The following SLC4A4 variants were observed in gnomAD, a reference collection of about 807,000 sequenced individuals.
The protein encoded by SLC4A4 is electrogenic sodium bicarbonate cotransporter 1.
SLC4A4 carries 27 observed loss-of-function variants against 111.5 expected under a neutral mutation model. The ratio of observed to expected loss-of-function variants is 0.24; its 90% CI spans 0.18 to 0.33. The LOEUF is 0.33. Ranked by LOEUF, SLC4A4 falls within the 10% of genes least tolerant of loss-of-function variation. SLC4A4 has a pLI of 1.00. For synonymous variants in SLC4A4, 443 were observed against 463.4 expected (o/e 0.96, Z 0.57); for missense variants, 909 against 1,315.5 (o/e 0.69, Z 4.78).
At chr4:71,437,404 C>G (rs765948305) in intron 7 of SLC4A4, 1 of 298,206 alleles carries the variant, frequency 3.4e-6, no homozygotes, top group African/African-American at 2.2e-5. Context: ...GGGATTGCAT[C>G]GGGTAATACT....
intron 2 of SLC4A4, among the ~76,000 whole-genome samples, chr4:71,155,974 C>T (rs1744450990): frequency 6.6e-6 from 1 of 152,178 alleles, no homozygotes. Context: ...CTTTATACAG[C>T]AGACCGTACA....
chr4:71,532,005 A>G (rs1733974677), intron 16 of SLC4A4, 57 bp from the exon 17 acceptor site: 2 of 1,001,240 alleles, frequency 2.0e-6, no homozygotes, highest in African/African-American at 1.6e-5. Context: ...GTTCAAACAC[A>G]GACAAATATA....
chr4:71,123,981 C>T (rs1560732046), intron 2 of SLC4A4, among the ~76,000 whole-genome samples: 1 of 152,116 alleles, frequency 6.6e-6, no homozygotes. Context: ...GCTGTTGGCT[C>T]ACTAGGATTT....
At chr4:71,479,929 C>T (rs1353487267) in intron 14 of SLC4A4, among the ~76,000 whole-genome samples, 6 of 151,512 alleles carry the variant, frequency 4.0e-5, no homozygotes, top group Non-Finnish European at 7.4e-5. Context: ...AAAGTTTCCC[C>T]ATGGTAATGT....
At chr4:71,067,209 A>G (rs1741541400) in intron 1 of SLC4A4, among the ~76,000 whole-genome samples, 1 of 152,178 alleles carries the variant, frequency 6.6e-6, no homozygotes. Context: ...TTTGACATAT[A>G]GGTCACTGAA....
intron 12 of SLC4A4, among the ~76,000 whole-genome samples, chr4:71,454,173 C>G (rs1726009391): frequency 6.6e-6 from 1 of 152,158 alleles, no homozygotes; most frequent in African/African-American, 2.4e-5. Flanking sequence ...AGTTATATCT[C>G]CTGCAGGTGG....
chr4:71,424,369 A>G (rs1037570265), intron 7 of SLC4A4, among the ~76,000 whole-genome samples: 10 of 151,814 alleles, frequency 6.6e-5, no homozygotes, highest in Non-Finnish European at 1.3e-4. Flanking sequence ...GTGGAGAAAT[A>G]GGAACACTTT....
At chr4:71,480,166 C>A (rs1487446684) in intron 14 of SLC4A4, among the ~76,000 whole-genome samples, 1 of 151,372 alleles carries the variant, frequency 6.6e-6, no homozygotes, top group African/African-American at 2.4e-5. Flanking sequence ...GGACTACAGG[C>A]ACATGCTACC....
chr4:71,260,690 A>G (rs1490221349), intron 3 of SLC4A4, among the ~76,000 whole-genome samples: 1 of 152,220 alleles, frequency 6.6e-6, no homozygotes, highest in Non-Finnish European at 1.5e-5. Flanking sequence ...GAAAGGGAGC[A>G]TATCAGAGTG....
intron 2 of SLC4A4, among the ~76,000 whole-genome samples, chr4:71,178,458 G>A (rs2148986161): frequency 6.6e-6 from 1 of 152,048 alleles, no homozygotes. Flanking sequence ...TAGACCGCTA[G>A]CAAGACTAAT....
chr4:71,267,333 T>C (rs1459661444), intron 3 of SLC4A4, among the ~76,000 whole-genome samples: 1 of 151,872 alleles, frequency 6.6e-6, no homozygotes, highest in East Asian at 1.9e-4. Context: ...AGTTGAGATC[T>C]GAAGGATGAG....
intron 16 of SLC4A4, among the ~76,000 whole-genome samples, chr4:71,516,027 G>A (rs1161208380): frequency 7.6e-6 from 1 of 131,288 alleles, no homozygotes; most frequent in African/African-American, 2.8e-5. Context: ...CTGTTGTTTT[G>A]TATATTCTTT....
chr4:71,404,468 T>G (rs1297005469), intron 7 of SLC4A4, among the ~76,000 whole-genome samples: 7 of 152,230 alleles, frequency 4.6e-5, no homozygotes. Context: ...CTATTGCATA[T>G]CTTAATAAAC....
At chr4:71,271,210 G>A in intron 3 of SLC4A4, among the ~76,000 whole-genome samples, 1 of 152,132 alleles carries the variant, frequency 6.6e-6, no homozygotes, top group Non-Finnish European at 1.5e-5. Flanking sequence ...AAGCATACTT[G>A]TATACATAAA....
intron 1 of SLC4A4, among the ~76,000 whole-genome samples, chr4:71,088,008 T>C (rs553352532): frequency 6.6e-6 from 1 of 152,128 alleles, no homozygotes; most frequent in South Asian, 2.1e-4. Context: ...AGTGGGGTGT[T>C]AAAATCTCCC....
intron 2 of SLC4A4, among the ~76,000 whole-genome samples, chr4:71,245,220 C>G (rs1720566108): frequency 6.6e-6 from 1 of 152,108 alleles, no homozygotes; most frequent in Non-Finnish European, 1.5e-5. Flanking sequence ...CCAGATAACT[C>G]AAGGTCTTTT....
At chr4:71,552,184 A>G (rs935954266) in intron 20 of SLC4A4, among the ~76,000 whole-genome samples, 1 of 151,912 alleles carries the variant, frequency 6.6e-6, no homozygotes, top group Non-Finnish European at 1.5e-5. Flanking sequence ...TTTATGTGAT[A>G]TACTCTTTAT....
At chr4:71,556,609 C>T (rs1736493386) in intron 21 of SLC4A4, among the ~76,000 whole-genome samples, 1 of 151,802 alleles carries the variant, frequency 6.6e-6, no homozygotes, top group African/African-American at 2.4e-5. Context: ...ATGCTATTGC[C>T]CCTAATGGCT....
chr4:71,254,193 C>G (rs531058711), intron 2 of SLC4A4, among the ~76,000 whole-genome samples: 2 of 152,188 alleles, frequency 1.3e-5, no homozygotes, highest in African/African-American at 4.8e-5. Context: ...ATTTGCAGTT[C>G]AGACAAAAAT....
Sources: allele counts gnomAD v4.1 joint callset (sites outside exome capture counted in the v4.1 genomes callset), GRCh38; gene constraint gnomAD v4.1.1; transcripts MANE v1.5; gene names NCBI Gene and HGNC (gene_info 2026-07-23, HGNC 2026-07-21).